FAT2: variants seen among roughly 807,000 people sequenced by gnomAD.
FAT2 encodes the protein FAT atypical cadherin 2, also known as protocadherin Fat 2.
FAT2 carries 150 observed loss-of-function variants against 295.3 expected under a neutral mutation model. The ratio of observed to expected loss-of-function variants is 0.51; its 90% CI spans 0.44 to 0.58. The LOEUF is 0.58. Among genes scored for constraint, FAT2 ranks in the 20% least tolerant of loss-of-function variants. FAT2 has a pLI of 0.00. For missense variants in FAT2, 4,868 were observed against 5,442.7 expected, an observed-to-expected ratio of 0.89 and a Z score of 3.32; for synonymous variants, 2,026 against 2,150.3, an observed-to-expected ratio of 0.94 and a Z score of 1.60.
chr5:151,505,395 T>C lies in FAT2; in HGVS notation c.*170A>G. 3.9e-6 allele frequency: 3 copies of C among 772,060 alleles called. No individual in the cohort carries two copies. The highest frequency in any genetic ancestry group is 6.2e-6 in the Non-Finnish European group (3 of 484,312). The allele number at this position is 772,060 out of a possible 1,614,324, so 47.8% of individuals were successfully genotyped here. ...CTCTATCCTCAGCTTCCCTCCACCC[T>C]CAGGGACTAGGTGGGGGATTGGAAG... On this transcript the variant is annotated 3_prime_UTR_variant, in exon 24 of 24. Transcript: ENST00000261800.
chr5:151,590,722 C>A (rs897117170), intron 1 of FAT2, among the ~76,000 whole-genome samples: 5 of 152,224 alleles, frequency 3.3e-5, no homozygotes, highest in Admixed American at 1.3e-4. Flanking sequence ...CACCTGGACA[C>A]ACACAAGAAG....
At chr5:151,571,443 G>A (rs890269300) in intron 1 of FAT2, among the ~76,000 whole-genome samples, 15 of 152,352 alleles carry the variant, frequency 9.8e-5, no homozygotes, top group African/African-American at 2.9e-4. Flanking sequence ...GTCAGCACCC[G>A]TGTTGGGCAG....
chr5:151,546,059 C>T lies in FAT2; in HGVS notation c.5068G>A (p.Val1690Ile), dbSNP rs768450058. The T allele has an allele frequency of 1.2e-5, 20 of 1,614,184 alleles. No individual in the cohort carries two copies. In the South Asian group the frequency reaches 2.0e-4, roughly 16 times the overall value. ...TTTCCCTCTCTTAACTCATAGGTAACTTCAGAGGGGCTCATAGCAGAGACA... is the reference window on the plus strand; with the variant it reads ...TTTCCCTCTCTTAACTCATAGGTAATTTCAGAGGGGCTCATAGCAGAGACA... ...LLVSAMSPSE[V>I]TYELREGNKD... Residue 1690 changes from valine to isoleucine, a missense_variant, in exon 10 of 24, where the codon GTT (valine) becomes ATT (isoleucine). This residue lies in a region of FAT2 where 3,297 missense variants were observed against 3,669.4 expected (regional missense o/e 0.90). Transcript: ENST00000261800.
At chr5:151,558,381 C>T (rs149771925) in intron 3 of FAT2, among the ~76,000 whole-genome samples, 76 of 152,146 alleles carry the variant, frequency 5.0e-4, no homozygotes, top group African/African-American at 1.8e-3. Context: ...TTTGGGAGGC[C>T]GAAGCGGGCG....
chr5:151,568,251 C>T lies in FAT2; in HGVS notation c.681G>A (p.Met227Ile). ...ACCCATTGCCCTCAGAGATTTTCCG[C>T]ATGCGGTCCACAGCTAGCACCTGGA... ...HELQVLAVDR[M>I]RKISEGNGFG... The change falls in exon 2 of 24, where the codon ATG (methionine) becomes ATA (isoleucine). Residue 227 changes from methionine to isoleucine, a missense_variant. Physicochemically the swap from Met to Ile is conservative, Grantham distance 10 (BLOSUM62 1). Around this residue, in one of 5 missense-constraint regions of FAT2, gnomAD observed 3,297 missense variants for 3,669.4 expected, o/e 0.90. Coordinates refer to ENST00000261800, the MANE Select transcript of FAT2 (RefSeq NM_001447.3). The T allele has an allele frequency of 6.2e-7, 1 of 1,614,172 alleles. No homozygotes were observed. The highest frequency in any genetic ancestry group is 8.5e-7 in the Non-Finnish European group (1 of 1,180,026).
rs936316376 is a variant in FAT2 at position 151,534,544 on chromosome 5, C to G, written c.9292G>C (p.Asp3098His). ...ACATCCTCCACATGGAGGGTGATGT[C>G]TGCCTGGCACGATCGGCCACCTCCA... Reference protein sequence around the residue: ...TDGGGRSCQADITLHVEDVND... With the variant: ...TDGGGRSCQAHITLHVEDVND... The change falls in exon 13 of 24, where the codon GAC becomes CAC. Residue 3098 changes from aspartate to histidine, a missense_variant. By Grantham distance (81) the Asp-to-His change is moderately conservative (BLOSUM62 -1). Around this residue, in one of 5 missense-constraint regions of FAT2, gnomAD observed 1,046 missense variants for 1,210.1 expected, o/e 0.86. Coordinates refer to ENST00000261800, the MANE Select transcript of FAT2 (RefSeq NM_001447.3). 6.2e-7 allele frequency: 1 copy of G among 1,614,022 alleles called. No individual in the cohort carries two copies. The highest frequency in any genetic ancestry group is 1.3e-5 in the African/African-American group (1 of 74,928).
upstream of FAT2, among the ~76,000 whole-genome samples, chr5:151,593,568 C>T (rs1320273426): frequency 6.6e-6 from 1 of 152,196 alleles, no homozygotes; most frequent in Non-Finnish European, 1.5e-5. Context: ...TCCAAGCATG[C>T]TCAGAAACTT....
Position 151,507,315 on chromosome 5 carries a change from G to A in FAT2, c.12356C>T (p.Pro4119Leu), listed in dbSNP as rs755223311. ...TTCATTTGGAACAGAGGCCTTGCTGGGTTCCGGTTGGTTGAGGTTGTTGCA... is the reference window on the plus strand; with the variant it reads ...TTCATTTGGAACAGAGGCCTTGCTGAGTTCCGGTTGGTTGAGGTTGTTGCA... ...SSCNNLNQPE[P>L]SKASVPNELV... The change falls in exon 23 of 24, where the codon CCC (proline) becomes CTC (leucine). Residue 4119 changes from proline to leucine, a missense_variant. Physicochemically the swap from Pro to Leu is moderately conservative, Grantham distance 98 (BLOSUM62 -3). Transcript: ENST00000261800. The A allele has an allele frequency of 6.8e-6, 11 of 1,614,064 alleles. No homozygotes were observed. The Admixed American group carries it at 1.8e-4, about 27-fold the overall frequency.
intron 1 of FAT2, among the ~76,000 whole-genome samples, chr5:151,579,975 C>A (rs1758882653): frequency 6.6e-6 from 1 of 152,168 alleles, no homozygotes; most frequent in South Asian, 2.1e-4. Context: ...TGCATTGTCC[C>A]TTTGTCAGTG....
At position 151,505,666 on chromosome 5, in the gene FAT2, C is replaced by A; in HGVS notation, c.12949G>T (p.Ala4317Ser). The A allele has an allele frequency of 6.2e-7, 1 of 1,613,856 alleles. No homozygotes were observed. The highest frequency in any genetic ancestry group is 8.5e-7 in the Non-Finnish European group (1 of 1,179,786). ...GGCTGGCCCTGGCCTGCAAGAGGTG[C>A]CCCCTCCACCTCACAGACAGCATAA... Reference protein sequence around the residue: ...PSYAVCEVEGAPLAGQGQPRV... With the variant: ...PSYAVCEVEGSPLAGQGQPRV... The change falls in exon 24 of 24, where the codon GCA (alanine) becomes TCA (serine). Residue 4317 changes from alanine to serine, a missense_variant. Transcript: ENST00000261800.
intron 20 of FAT2, among the ~76,000 whole-genome samples, chr5:151,516,108 T>C (rs1269767212): frequency 1.3e-5 from 2 of 152,360 alleles, no homozygotes; most frequent in Non-Finnish European, 2.9e-5. Context: ...CTATCTAGAA[T>C]GTTGTTCCTT....
chr5:151,550,442 T>G (rs1581415630), intron 8 of FAT2, 148 bp downstream of exon 8: 1 of 861,266 alleles, frequency 1.2e-6, no homozygotes. Flanking sequence ...TTATGGAAGG[T>G]GCCCTTAGCC....
Position 151,543,633 on chromosome 5 carries a change from G to T in FAT2, c.7494C>A (p.Thr2498=). The T allele has an allele frequency of 6.2e-7, 1 of 1,614,108 alleles. No homozygotes were observed. The highest frequency in any genetic ancestry group is 1.3e-5 in the African/African-American group (1 of 75,006). ...AELAENAMVG[T]KVIDLLAIDK... is the part of the protein sequence containing the mutation. Reference sequence around the variant, plus strand: ...CTATGGCTAGCAAATCAATCACCTTGGTTCCAACCATTGCATTCTCTGCTA... The same window carrying T: ...CTATGGCTAGCAAATCAATCACCTTTGTTCCAACCATTGCATTCTCTGCTA... The change falls in exon 10 of 24, where the codon ACC becomes ACA. Residue 2498 remains threonine, a synonymous_variant. Coordinates refer to ENST00000261800, the MANE Select transcript of FAT2 (RefSeq NM_001447.3).
In FAT2 at chr5:151,556,353, G is replaced by A; in HGVS notation, c.3624C>T (p.His1208=). ...QQLDRENKDE[H]ILEVTVLDNG... ...CACCACCATTACTTACCTCCAGGAT[G>A]TGTTCATCCTTGTTCTCTCTGTCCA... is the stretch of plus-strand genomic sequence containing the variant. Residue 1208 remains histidine (H), a synonymous_variant, in exon 4 of 24, where the codon CAC becomes CAT. Coordinates refer to ENST00000261800, the MANE Select transcript of FAT2 (RefSeq NM_001447.3). 4.3e-6 allele frequency: 7 copies of A among 1,613,706 alleles called. No individual in the cohort carries two copies. Among genetic ancestry groups the A allele is most frequent in the Non-Finnish European group, 5.9e-6 (7 of 1,179,630 alleles).
intron 20 of FAT2, among the ~76,000 whole-genome samples, chr5:151,517,294 C>G (rs1364267953): frequency 6.6e-6 from 1 of 152,190 alleles, no homozygotes; most frequent in African/African-American, 2.4e-5. Flanking sequence ...GCAATCCCCC[C>G]ATCCCTGGGA....
intron 20 of FAT2, among the ~76,000 whole-genome samples, chr5:151,516,003 T>C (rs1752828005): frequency 6.6e-6 from 1 of 152,186 alleles, no homozygotes; most frequent in South Asian, 2.1e-4. Flanking sequence ...TACTGTTCCC[T>C]TTACCCACTT....
intron 1 of FAT2, among the ~76,000 whole-genome samples, chr5:151,578,625 T>C (rs896064318): frequency 1.3e-5 from 2 of 152,188 alleles, no homozygotes; most frequent in Non-Finnish European, 2.9e-5. Flanking sequence ...TGGGTATATA[T>C]CCAAACGAAA....
chr5:151,543,211 A>C lies in FAT2; in HGVS notation c.7916T>G (p.Val2639Gly). Residue 2639 changes from valine (V) to glycine (G), a missense_variant, in exon 10 of 24, where the codon GTC becomes GGC. Transcript: ENST00000261800. ...LVKDVIEINP[V>G]TGVVKVKDSL... ...GTCTTTCACCTTGACCACACCAGTG[A>C]CTGGGTTAATTTCAATGACATCTTT... 6.2e-7 allele frequency: 1 copy of C among 1,614,164 alleles called. No homozygotes were observed. The highest frequency in any genetic ancestry group is 8.5e-7 in the Non-Finnish European group (1 of 1,180,032).
At chr5:151,579,738 A>T (rs972479570) in intron 1 of FAT2, among the ~76,000 whole-genome samples, 4 of 144,470 alleles carry the variant, frequency 2.8e-5, no homozygotes, top group Admixed American at 2.8e-4. Context: ...AAATACATTT[A>T]AAAAAAAAAA....
Sources: gnomAD v4.1 joint callset for allele counts (sites outside exome capture counted in the v4.1 genomes callset) on GRCh38, gnomAD v4.1.1 for gene constraint, gnomAD v4.1.1 regional missense constraint, MANE v1.5 for transcripts, NCBI Gene and HGNC (gene_info 2026-07-23, HGNC 2026-07-21) for gene names.